Variants in PTPRN observed in about 807,000 individuals in gnomAD.
PTPRN encodes protein tyrosine phosphatase receptor type N.
PTPRN carries 70 observed loss-of-function variants against 108.5 expected under a neutral mutation model. That is an observed-to-expected ratio of 0.65 (90% CI 0.53 to 0.79). PTPRN has a LOEUF of 0.79. Among genes scored for constraint, PTPRN ranks in the 30% least tolerant of loss-of-function variants. The pLI, the probability that PTPRN is intolerant of heterozygous loss-of-function variation, is 0.00. For synonymous variants in PTPRN, 496 were observed against 524.6 expected, an observed-to-expected ratio of 0.95 and a Z score of 0.75; for missense variants, 1,136 against 1,295.5, an observed-to-expected ratio of 0.88 and a Z score of 1.89.
intron 1 of PTPRN, chr2:219,308,166 G>A (rs928922751): frequency 5.1e-5 from 17 of 330,576 alleles, no homozygotes; most frequent in African/African-American, 3.5e-4. Context: ...TCTGAAAGAG[G>A]AATTTCCTTC....
rs1206383251 is a variant in PTPRN at position 219,289,727 on chromosome 2, T to C, written c.*499A>G. The C allele has an allele frequency of 6.1e-6, 1 of 163,974 alleles. No individual in the cohort carries two copies. Among genetic ancestry groups the C allele is most frequent in the Non-Finnish European group, 1.3e-5 (1 of 74,504 alleles). The allele number at this position is 163,974 out of a possible 1,614,324, so 10.2% of individuals were successfully genotyped here. On this transcript the variant is annotated 3_prime_UTR_variant, in exon 23 of 23. Transcript: ENST00000295718. ...AGAAGGAGAGAGGTTGAGCAGCGCA[T>C]GGTGGGAGGGTGGTGGGAGGAGGCT...
intron 3 of PTPRN, among the ~76,000 whole-genome samples, chr2:219,306,194 A>C (rs1559305560): frequency 6.6e-6 from 1 of 152,050 alleles, no homozygotes; most frequent in African/African-American, 2.4e-5. Context: ...AACCCAAAAA[A>C]ACTTTGACTC....
At chr2:219,298,171 C>T (rs1001150004) in intron 12 of PTPRN, 68 bp from the exon 13 acceptor site, 17 of 1,471,914 alleles carry the variant, frequency 1.2e-5, no homozygotes, top group South Asian at 7.0e-5. Context: ...CTCCTCACCC[C>T]GGTCCCATGC....
chr2:219,308,168 A>T, intron 1 of PTPRN: 1 of 331,520 alleles, frequency 3.0e-6, no homozygotes, highest in Non-Finnish European at 5.6e-6. Flanking sequence ...TGAAAGAGGA[A>T]TTTCCTTCCC....
Position 219,309,360 on chromosome 2 carries a change from G to T in PTPRN, c.-28C>A. On this transcript the variant is annotated 5_prime_UTR_variant, in exon 1 of 23. Transcript: ENST00000295718. ...TTCCGAGCTCCGGGCGCTCGCTCCCGGGCCGGAGCCGCAGCGACGCTGGCG... is the reference window on the plus strand; with the variant it reads ...TTCCGAGCTCCGGGCGCTCGCTCCCTGGCCGGAGCCGCAGCGACGCTGGCG... 1 of 1,242,662 alleles carries T rather than the reference G, an allele frequency of 8.0e-7. No homozygotes were observed. The highest frequency in any genetic ancestry group is 1.1e-6 in the Non-Finnish European group (1 of 936,752). The allele number at this position is 1,242,662 out of a possible 1,614,324, so 77.0% of individuals were successfully genotyped here.
At chr2:219,300,427 A>C in intron 8 of PTPRN, 168 bp from the exon 9 acceptor site, 1 of 605,084 alleles carries the variant, frequency 1.7e-6, no homozygotes, top group Non-Finnish European at 2.7e-6. Context: ...TGAGACAAGT[A>C]AGTGGATGCA....
Position 219,298,064 on chromosome 2 carries a change from T to C in PTPRN, c.1708A>G (p.Ser570Gly), listed in dbSNP as rs761114749. 6.8e-6 allele frequency: 11 copies of C among 1,613,958 alleles called. No individual in the cohort carries two copies. The highest frequency in any genetic ancestry group is 1.1e-5 in the South Asian group (1 of 91,084). The change falls in exon 13 of 23, where the codon AGC becomes GGC. Residue 570 changes from serine (S) to glycine (G), a missense_variant. Coordinates refer to ENST00000295718, the MANE Select transcript of PTPRN (RefSeq NM_002846.4). Reference sequence around the variant, plus strand: ...AGCACTGAGCGCATGGGTGAGGTGCTGTGCGCAGTTTGGGGAAGGACTGCA... The same window carrying C: ...AGCACTGAGCGCATGGGTGAGGTGCCGTGCGCAGTTTGGGGAAGGACTGCA... ...AAAVLPQTAH[S>G]TSPMRSVLLT...
In PTPRN at chr2:219,301,718, A is replaced by T. The variant is rs1952352125; in HGVS notation, c.996T>A (p.Asp332Glu). 11 of 1,606,800 alleles carry T rather than the reference A, an allele frequency of 6.8e-6. No homozygotes were observed. In the East Asian group the frequency reaches 2.5e-4, roughly 36 times the overall value. ...CAGCGGCCAGCCTCTGCAGAGCCGC[A>T]TCTGCTGGGAGCCAGACACAGAGCT... ...EKPASPAVQPDAALQRLAAVL... is the reference protein window; with the variant it reads ...EKPASPAVQPEAALQRLAAVL... The change falls in exon 7 of 23, where the codon GAT becomes GAA. Residue 332 changes from aspartate (D) to glutamate (E), a missense_variant and splice_region_variant. Asp to Glu is a conservative substitution (Grantham distance 45, BLOSUM62 2). Transcript: ENST00000295718.
Position 219,296,164 on chromosome 2 carries a change from C to A in PTPRN, c.2508+62G>T. 6.3e-7 allele frequency: 1 copy of A among 1,597,022 alleles called. No homozygotes were observed. The highest frequency in any genetic ancestry group is 8.6e-7 in the Non-Finnish European group (1 of 1,166,156). The stretch of plus-strand genomic sequence containing the variant: ...TGCTCATTTGGTGAAGAAAACGTTA[C>A]GAAAAGGCCATCATCTACTCTTCCC... On this transcript the variant is annotated intron_variant, in intron 18 of 22. Transcript: ENST00000295718. The surrounding 1 kb of genome is among the most constrained non-coding windows in gnomAD (Gnocchi z 6.0).
At chr2:219,291,899 T>C (rs1277328770) in intron 19 of PTPRN, 4 of 302,434 alleles carry the variant, frequency 1.3e-5, no homozygotes, top group African/African-American at 6.5e-5. Flanking sequence ...ACACAATAGG[T>C]GCTCAATACA....
At chr2:219,291,318 G>A in intron 20 of PTPRN, 152 bp downstream of exon 20, 1 of 816,256 alleles carries the variant, frequency 1.2e-6, no homozygotes, top group Non-Finnish European at 2.1e-6. Flanking sequence ...AACTGTGAAT[G>A]CCACGCTTAG....
At chr2:219,305,856 C>A (rs1471518799) in intron 3 of PTPRN, among the ~76,000 whole-genome samples, 1 of 152,088 alleles carries the variant, frequency 6.6e-6, no homozygotes, top group East Asian at 1.9e-4. Context: ...GTAAATAAAA[C>A]CTTTGACTCC....
At chr2:219,292,637 C>T (rs530479918) in intron 19 of PTPRN, 1 of 152,242 alleles carries the variant, frequency 6.6e-6, no homozygotes, top group Admixed American at 6.5e-5. Context: ...ATTAACGGAG[C>T]CCTTGCTATG....
chr2:219,308,850 TC>T, intron 1 of PTPRN: 1 of 1,315,434 alleles, frequency 7.6e-7, no homozygotes, highest in Non-Finnish European at 1.0e-6. Context: ...CCCCGCCACC[TC>T]CCCTTCCCAT....
At chr2:219,291,869 A>G (rs1335730075) in intron 19 of PTPRN, 3 of 372,110 alleles carry the variant, frequency 8.1e-6, no homozygotes, top group African/African-American at 4.2e-5. Flanking sequence ...CCATGTAAAG[A>G]GCTAAGTGCT....
chr2:219,291,007 G>T, intron 20 of PTPRN, 117 bp from the exon 21 acceptor site: 1 of 1,002,388 alleles, frequency 1.0e-6, no homozygotes. Flanking sequence ...GACCCGTTGG[G>T]GTTGGCTTGG....
chr2:219,303,743 T>C lies in PTPRN; in HGVS notation c.369A>G (p.Pro123=). The part of the protein sequence containing the change: ...IPRLRPPEPR[P]RDRSGLAPKR... ...AGAGAAAGGCTGCCTACCTGTCCCT[T>C]GGACGGGGCTCTGGGGGGCGAAGCC... Residue 123 remains proline, a synonymous_variant, in exon 4 of 23, where the codon CCA becomes CCG. Transcript: ENST00000295718. 1 of 1,613,728 alleles carries C rather than the reference T, an allele frequency of 6.2e-7. No homozygotes were observed.
chr2:219,297,358 T>C lies in PTPRN; in HGVS notation c.1963A>G (p.Ser655Gly). The change falls in exon 14 of 23, where the codon AGC becomes GGC. Residue 655 changes from serine (S) to glycine (G), a missense_variant. Physicochemically the swap from Ser to Gly is moderately conservative, Grantham distance 56. Transcript: ENST00000295718. This position sits in a 1 kb window ranked among gnomAD's most constrained non-coding sequence, Gnocchi z 6.0. ...AEGPPEPSRVSSVSSQFSDAA... is the reference protein window; with the variant it reads ...AEGPPEPSRVGSVSSQFSDAA... ...TCGCTGAACTGGGAGGACACACTGCTCACCCGTGAAGGCTCCGGTGGACCC... is the reference window on the plus strand; with the variant it reads ...TCGCTGAACTGGGAGGACACACTGCCCACCCGTGAAGGCTCCGGTGGACCC... 6.2e-7 allele frequency: 1 copy of C among 1,614,048 alleles called. No individual in the cohort carries two copies. The highest frequency in any genetic ancestry group is 8.5e-7 in the Non-Finnish European group (1 of 1,180,020).
rs902333950 is a variant in PTPRN at position 219,297,662 on chromosome 2, C to T, written c.1887+223G>A. Among the ~76,000 whole-genome samples the T allele has an allele frequency of 1.3e-5, 2 of 152,104 alleles. No individual in the cohort carries two copies. The highest frequency in any genetic ancestry group is 4.8e-5 in the African/African-American group (2 of 41,406). On this transcript the variant is annotated intron_variant, in intron 13 of 22. Coordinates refer to ENST00000295718, the MANE Select transcript of PTPRN (RefSeq NM_002846.4). The surrounding 1 kb of genome is among the most constrained non-coding windows in gnomAD (Gnocchi z 6.0). ...GAGTGGAATCCCAGAGCCCCAGAAG[C>T]ACAGCACCAAGAAGAACCTTAGGCA...
Sources: gnomAD v4.1 joint callset for allele counts (sites outside exome capture counted in the v4.1 genomes callset) on GRCh38, gnomAD v4.1.1 for gene constraint, Gnocchi (gnomAD v3.1) non-coding constraint, MANE v1.5 for transcripts, NCBI Gene and HGNC (gene_info 2026-07-23, HGNC 2026-07-21) for gene names.